The following MPI variants were observed in gnomAD, a reference collection of about 807,000 sequenced individuals.
MPI encodes mannose phosphate isomerase.
MPI carries 33 observed loss-of-function variants against 40.1 expected under a neutral mutation model. That is an observed-to-expected ratio of 0.82 (90% confidence interval 0.62 to 1.10). The LOEUF is 1.10. Ranked by LOEUF, MPI falls within the 50% of genes least tolerant of loss-of-function variation. MPI has a pLI of 0.00. For missense variants in MPI, 514 were observed against 524.1 expected (o/e 0.98, Z 0.19); for synonymous variants, 187 against 207.4 (o/e 0.90, Z 0.85).
At chr15:74,897,344 G>C in intron 7 of MPI, 125 bp downstream of exon 7, 1 of 1,348,064 alleles carries the variant, frequency 7.4e-7, no homozygotes, top group South Asian at 1.2e-5. Flanking sequence ...TGGCCCCAGG[G>C]CCTGCCCATT....
At position 74,894,107 on chromosome 15, in the gene MPI, T is replaced by TGTGTGTGTGTGTTTTCTGAGCCAG. The variant is rs1555478772; in HGVS notation, c.670+788_670+789insTGTGTGTGTGTTTTCTGAGCCAGG. Among the ~76,000 whole-genome samples, 505 of 60,990 alleles carry TGTGTGTGTGTGTTTTCTGAGCCAG rather than the reference T, an allele frequency of 8.3e-3. 182 individuals carry two copies. Among genetic ancestry groups the TGTGTGTGTGTGTTTTCTGAGCCAG allele is most frequent in the Non-Finnish European group, 0.018 (386 of 21,578 alleles). 40.0% of individuals were successfully genotyped at this position (60,990 alleles called of 152,430 possible). On this transcript the variant is annotated intron_variant, in intron 5 of 7. Transcript: ENST00000352410. ...GTGTGTGTGTGTGTGTGTGTGTGTGTGGTCTCTTTCTGTTGCCCCAGGCTG... is the reference window on the plus strand; with the variant it reads ...GTGTGTGTGTGTGTGTGTGTGTGTGTGTGTGTGTGTGTTTTCTGAGCCAGGGTCTCTTTCTGTTGCCCCAGGCTG...
intron 5 of MPI, among the ~76,000 whole-genome samples, chr15:74,895,129 CTTTTTTT>C (rs71140110): frequency 9.0e-6 from 1 of 110,582 alleles, no homozygotes; most frequent in Admixed American, 9.5e-5. Context: ...CCACACCTGG[CTTTTTTT>C]TTTTTTTTTT....
rs3935818 is a variant in MPI, at chr15:74,902,087, C to T, written c.*4357C>T. On this transcript the variant is annotated 3_prime_UTR_variant, in exon 8 of 8. Transcript: ENST00000352410. ...ACCTGAAGAGGGACAAAAGGACTCACTTTATGCTGTCTTGAAGGTCAAGCC... is the reference window on the plus strand; with the variant it reads ...ACCTGAAGAGGGACAAAAGGACTCATTTTATGCTGTCTTGAAGGTCAAGCC... 0.042 allele frequency: 16,575 copies of T among 398,592 alleles called. 1,536 individuals carry two copies. Among genetic ancestry groups the T allele is most frequent in the African/African-American group, 0.23 (11,406 of 48,704 alleles). The allele number at this position is 398,592 out of a possible 1,614,324, so 24.7% of individuals were successfully genotyped here. A position where few individuals can be genotyped will look rare whatever the true frequency, so the allele number is the denominator to read the frequency against.
In MPI at chr15:74,897,823, C is replaced by T. The variant is rs1336372205; in HGVS notation, c.*93C>T. On this transcript the variant is annotated 3_prime_UTR_variant, in exon 8 of 8. Transcript: ENST00000352410. ...CCCAGCTCAAGCCCCCTTCCTTGCT[C>T]TGGACCCCTTAGGTATACCCTGGAA... The T allele has an allele frequency of 5.0e-5, 63 of 1,247,848 alleles. No individual in the cohort carries two copies. Among genetic ancestry groups the T allele is most frequent in the Non-Finnish European group, 7.1e-5 (61 of 862,006 alleles). The allele number at this position is 1,247,848 out of a possible 1,614,324, so 77.3% of individuals were successfully genotyped here.
rs1165096609 is a variant in MPI, at chr15:74,893,121, G to A, written c.488-17G>A. On this transcript the variant is annotated splice_polypyrimidine_tract_variant and intron_variant, in intron 4 of 7. Coordinates refer to ENST00000352410, the MANE Select transcript of MPI (RefSeq NM_002435.3). Reference sequence around the variant, plus strand: ...TTACCATTCCTGATATGGGCCCTGGGCCTTGCCTTCCTGTAGAGGTGCCTG... The same window carrying A: ...TTACCATTCCTGATATGGGCCCTGGACCTTGCCTTCCTGTAGAGGTGCCTG... 2.5e-6 allele frequency: 4 copies of A among 1,613,500 alleles called. No homozygotes were observed. The highest frequency in any genetic ancestry group is 3.6e-4 in the Middle Eastern group (2 of 5,518).
chr15:74,896,922 T>C (rs1173458420), intron 6 of MPI, 89 bp from the exon 7 acceptor site: 4 of 1,237,456 alleles, frequency 3.2e-6, no homozygotes, highest in Non-Finnish European at 4.7e-6. Flanking sequence ...TAACTTGGCA[T>C]GGGGTTCATG....
In MPI at chr15:74,897,512, G is replaced by A. The variant is rs887001981; in HGVS notation, c.1054G>A (p.Val352Ile). The change falls in exon 8 of 8, where the codon GTC becomes ATC. Residue 352 changes from valine to isoleucine, a missense_variant and splice_region_variant. By Grantham distance (29) the Val-to-Ile change is conservative. Transcript: ENST00000352410. The stretch of plus-strand genomic sequence containing the variant: ...TGCCTTATCATTTCTTCCTGCCCAG[G>A]TCCCTGGCTCTGTCACTGAATACAA... The part of the protein sequence containing the change: ...VPDFTIMKTE[V>I]PGSVTEYKVL... 1.9e-6 allele frequency: 3 copies of A among 1,613,876 alleles called. No homozygotes were observed. Among genetic ancestry groups the A allele is most frequent in the Non-Finnish European group, 8.5e-7 (1 of 1,179,856 alleles).
chr15:74,896,164 A>T lies in MPI; in HGVS notation c.683A>T (p.Asn228Ile). The T allele has an allele frequency of 6.2e-7, 1 of 1,614,152 alleles. No individual in the cohort carries two copies. The highest frequency in any genetic ancestry group is 8.5e-7 in the Non-Finnish European group (1 of 1,180,028). Reference sequence around the variant, plus strand: ...CTGTGACCCTCAGCGGCTGCCGGAAACAACATGGAGGACATCTTTGGGGAG... The same window carrying T: ...CTGTGACCCTCAGCGGCTGCCGGAATCAACATGGAGGACATCTTTGGGGAG... ...KRISQQAAAG[N>I]NMEDIFGELL... The change falls in exon 6 of 8, where the codon AAC becomes ATC. Residue 228 changes from asparagine (N) to isoleucine (I), a missense_variant. Transcript: ENST00000352410.
chr15:74,900,797 C>T lies in MPI; in HGVS notation c.*3067C>T, dbSNP rs1223297619. ...GACCCCAAGCTGGCATGACTCTGGT[C>T]TCTGTCCTATCTCTCTGCTGTGATG... On this transcript the variant is annotated 3_prime_UTR_variant, in exon 8 of 8. Coordinates refer to ENST00000352410, the MANE Select transcript of MPI (RefSeq NM_002435.3). 2.0e-5 allele frequency: 3 copies of T among 152,278 alleles called. No individual in the cohort carries two copies. The highest frequency in any genetic ancestry group is 7.2e-5 in the African/African-American group (3 of 41,456). 9.4% of individuals were successfully genotyped at this position (152,278 alleles called of 1,614,324 possible).
chr15:74,892,262 G>A (rs1041564754), intron 3 of MPI, among the ~76,000 whole-genome samples: 11 of 152,322 alleles, frequency 7.2e-5, no homozygotes, highest in African/African-American at 2.6e-4. Context: ...AAAGTGCTGG[G>A]ATTACAGGCG....
Position 74,892,667 on chromosome 15 carries a change from G to A in MPI, c.352G>A (p.Ala118Thr). ...TCCCCTGGCCACCCCACAGGAGCTG[G>A]CAGAGAAGCTGCACCTCCAGGCTCC... The part of the protein sequence containing the change: ...SIQAHPNKEL[A>T]EKLHLQAPQH... Residue 118 changes from alanine (A) to threonine (T), a missense_variant, in exon 4 of 8, where the codon GCA (alanine) becomes ACA (threonine). Ala to Thr is a moderately conservative substitution (Grantham distance 58, BLOSUM62 0). Coordinates refer to ENST00000352410, the MANE Select transcript of MPI (RefSeq NM_002435.3). 1.2e-6 allele frequency: 2 copies of A among 1,614,162 alleles called. No individual in the cohort carries two copies. Among genetic ancestry groups the A allele is most frequent in the Non-Finnish European group, 1.7e-6 (2 of 1,180,038 alleles).
chr15:74,893,730 T>G, intron 5 of MPI: 1 of 475,256 alleles, frequency 2.1e-6, no homozygotes. Context: ...AGTCATTTGA[T>G]CTTTCCTTTA....
intron 5 of MPI, 23 bp from the exon 6 acceptor site, chr15:74,896,129 T>C: frequency 3.1e-6 from 5 of 1,613,536 alleles, no homozygotes; most frequent in East Asian, 2.2e-5. Flanking sequence ...CTAAGTGACC[T>C]TGGGGTGCTC....
rs1187430149 is a variant in MPI at position 74,901,027 on chromosome 15, A to G, written c.*3297A>G. The G allele has an allele frequency of 6.6e-6, 1 of 152,232 alleles. No homozygotes were observed. Among genetic ancestry groups the G allele is most frequent in the Non-Finnish European group, 1.5e-5 (1 of 68,046 alleles). 9.4% of individuals were successfully genotyped at this position (152,232 alleles called of 1,614,324 possible). Reference sequence around the variant, plus strand: ...TAGTCACCCCTTGTGGTAGAGCGAAAAGAGTGTGTTGTCCCTCTCATGCCT... The same window carrying G: ...TAGTCACCCCTTGTGGTAGAGCGAAGAGAGTGTGTTGTCCCTCTCATGCCT... On this transcript the variant is annotated 3_prime_UTR_variant, in exon 8 of 8. Coordinates refer to ENST00000352410, the MANE Select transcript of MPI (RefSeq NM_002435.3).
chr15:74,892,380 G>A (rs2064739843), intron 3 of MPI, among the ~76,000 whole-genome samples: 1 of 152,256 alleles, frequency 6.6e-6, no homozygotes, highest in African/African-American at 2.4e-5. Context: ...TCAGAGCTTG[G>A]TCTGGTATTT....
chr15:74,891,703 C>T (rs573686671), intron 3 of MPI, 124 bp downstream of exon 3: 3 of 1,027,144 alleles, frequency 2.9e-6, no homozygotes, highest in African/African-American at 3.1e-5. Flanking sequence ...CAAATCCAGG[C>T]TGACAACTCC....
At position 74,891,503 on chromosome 15, in the gene MPI, T is replaced by G; in HGVS notation, c.269T>G (p.Phe90Cys). 5 of 1,614,216 alleles carry G rather than the reference T, an allele frequency of 3.1e-6. No individual in the cohort carries two copies. The highest frequency in any genetic ancestry group is 4.2e-6 in the Non-Finnish European group (5 of 1,180,034). ...TTGGGCTCAAAGGTCAAGGACACCT[T>G]TAATGGCAACCTGCCCTTCCTCTTC... Reference protein sequence around the residue: ...DSLGSKVKDTFNGNLPFLFKV... With the variant: ...DSLGSKVKDTCNGNLPFLFKV... The change falls in exon 3 of 8, where the codon TTT becomes TGT. Residue 90 changes from phenylalanine to cysteine, a missense_variant. Coordinates refer to ENST00000352410, the MANE Select transcript of MPI (RefSeq NM_002435.3).
At chr15:74,897,334 T>C in intron 7 of MPI, 115 bp downstream of exon 7, 4 of 1,397,836 alleles carry the variant, frequency 2.9e-6, no homozygotes, top group South Asian at 2.4e-5. Flanking sequence ...TGGCGGAGGG[T>C]GGCCCCAGGG....
chr15:74,894,245 GGTTAA>G (rs1420980997), intron 5 of MPI, among the ~76,000 whole-genome samples: 1 of 151,734 alleles, frequency 6.6e-6, no homozygotes, highest in Non-Finnish European at 1.5e-5. Context: ...CACCACATCT[GGTTAA>G]GTTTTTATAT....
Sources: allele counts gnomAD v4.1 joint callset (sites outside exome capture counted in the v4.1 genomes callset), GRCh38; gene constraint gnomAD v4.1.1; transcripts MANE v1.5; gene names NCBI Gene and HGNC (gene_info 2026-07-23, HGNC 2026-07-21).